LDHAL6A: variants seen among roughly 807,000 people sequenced by gnomAD.
LDHAL6A encodes lactate dehydrogenase A like 6A.
Under a neutral mutation model 28.2 loss-of-function variants are expected in LDHAL6A, and 19 were observed. The ratio of observed to expected loss-of-function variants is 0.67; its 90% CI spans 0.47 to 0.99. The LOEUF (loss-of-function observed/expected upper bound fraction) is 0.99. Among genes scored for constraint, LDHAL6A ranks in the 50% least tolerant of loss-of-function variants. The pLI is 0.00. For synonymous variants in LDHAL6A, 144 were observed against 134.4 expected, an observed-to-expected ratio of 1.07 and a Z score of -0.49; for missense variants, 372 against 398.6, an observed-to-expected ratio of 0.93 and a Z score of 0.57.
chr11:18,476,299 C>A (rs1849380042), intron 4 of LDHAL6A, 85 bp from the exon 5 acceptor site: 2 of 1,467,504 alleles, frequency 1.4e-6, no homozygotes, highest in East Asian at 4.8e-5. Context: ...TCACTCAGGG[C>A]AATTATAACA....
chr11:18,477,357 G>T (rs1275445510), intron 5 of LDHAL6A, among the ~76,000 whole-genome samples: 1 of 152,092 alleles, frequency 6.6e-6, no homozygotes, highest in Admixed American at 6.5e-5. Flanking sequence ...TACTCAGGAG[G>T]CTGAGGAGGG....
At chr11:18,475,330 A>G in intron 3 of LDHAL6A, 136 bp from the exon 4 acceptor site, 1 of 670,636 alleles carries the variant, frequency 1.5e-6, no homozygotes, top group Non-Finnish European at 2.6e-6. Context: ...GTTGGCGTAT[A>G]GCTGGGGTTG....
chr11:18,460,461 C>CA (rs1565065923), intron 1 of LDHAL6A, among the ~76,000 whole-genome samples: 2 of 151,642 alleles, frequency 1.3e-5, no homozygotes, highest in African/African-American at 4.9e-5. Flanking sequence ...GGCACGGTGG[C>CA]ATGCATCTGT....
At chr11:18,463,907 C>G in intron 1 of LDHAL6A, 54 bp from the exon 2 acceptor site, 1 of 1,118,300 alleles carries the variant, frequency 8.9e-7, no homozygotes, top group South Asian at 1.3e-5. Context: ...TTCTTTCATT[C>G]TCCAGTTAAT....
intron 3 of LDHAL6A, among the ~76,000 whole-genome samples, chr11:18,467,877 AC>A (rs1196533338): frequency 3.0e-5 from 1 of 33,514 alleles, no homozygotes; most frequent in Non-Finnish European, 4.9e-5. Flanking sequence ...ATATATATAC[AC>A]ACATATATAT....
chr11:18,464,966 G>GGGTTTTTT (rs1849010009), intron 2 of LDHAL6A, among the ~76,000 whole-genome samples: 1 of 43,438 alleles, frequency 2.3e-5, no homozygotes, highest in African/African-American at 1.0e-4. Context: ...AGGAGGTGAG[G>GGGTTTTTT]TGTTTTTTTT....
At chr11:18,477,078 A>G (rs915838766) in intron 5 of LDHAL6A, among the ~76,000 whole-genome samples, 6 of 151,646 alleles carry the variant, frequency 4.0e-5, no homozygotes, top group African/African-American at 1.5e-4. Context: ...AGCTGAGCAT[A>G]TGGTGGCTTG....
chr11:18,464,886 A>G (rs150614370), intron 2 of LDHAL6A, among the ~76,000 whole-genome samples: 3 of 152,068 alleles, frequency 2.0e-5, no homozygotes, highest in East Asian at 3.9e-4. Flanking sequence ...CACCACATCT[A>G]TCTCTAAATA....
Position 18,477,656 on chromosome 11 carries a change from T to G in LDHAL6A, c.747T>G (p.Ser249=). ...TGGTCAAAATGAAAGGTTATACTTC[T>G]TGGGGCATTAGCCTATCTGTAGCTG... ...YEMVKMKGYT[S]WGISLSVADL... The change falls in exon 6 of 7, where the codon TCT becomes TCG. Residue 249 remains serine, a synonymous_variant. Transcript: ENST00000280706. The G allele has an allele frequency of 6.2e-7, 1 of 1,613,000 alleles. No individual in the cohort carries two copies. The highest frequency in any genetic ancestry group is 8.5e-7 in the Non-Finnish European group (1 of 1,179,656).
chr11:18,478,580 C>A, intron 6 of LDHAL6A, 126 bp from the exon 7 acceptor site: 1 of 713,082 alleles, frequency 1.4e-6, no homozygotes, highest in Non-Finnish European at 2.3e-6. Context: ...GAAAAAAGTT[C>A]TCTGCCTTGG....
At chr11:18,473,936 CTGAA>C (rs1481280365) in intron 3 of LDHAL6A, among the ~76,000 whole-genome samples, 1 of 152,094 alleles carries the variant, frequency 6.6e-6, no homozygotes, top group Non-Finnish European at 1.5e-5. Flanking sequence ...TTTTTAATCC[CTGAA>C]TGAGTTTTCC....
At chr11:18,462,501 G>A (rs1180438024) in intron 1 of LDHAL6A, among the ~76,000 whole-genome samples, 4 of 151,978 alleles carry the variant, frequency 2.6e-5, no homozygotes, top group Non-Finnish European at 4.4e-5. Context: ...GCCAGGTGTG[G>A]TGGCGGGCGC....
At chr11:18,465,426 GTTTT>G (rs5790038) in intron 2 of LDHAL6A, among the ~76,000 whole-genome samples, 52,857 of 140,018 alleles carry the variant, frequency 0.38, 10,341 homozygotes, top group African/African-American at 0.52. Context: ...CATGACTTAC[GTTTT>G]TTTTTTTTTT....
At chr11:18,457,955 A>G (rs1483072594) in intron 1 of LDHAL6A, among the ~76,000 whole-genome samples, 2 of 152,210 alleles carry the variant, frequency 1.3e-5, no homozygotes, top group African/African-American at 2.4e-5. Flanking sequence ...GGAATAGACT[A>G]TCTCTAATTG....
At chr11:18,469,406 G>C (rs572297611) in intron 3 of LDHAL6A, among the ~76,000 whole-genome samples, 1 of 152,320 alleles carries the variant, frequency 6.6e-6, no homozygotes, top group South Asian at 2.1e-4. Flanking sequence ...TCCCACCACA[G>C]ATTTTAGAAG....
intron 3 of LDHAL6A, among the ~76,000 whole-genome samples, chr11:18,470,036 C>A (rs1437152827): frequency 6.6e-6 from 1 of 152,140 alleles, no homozygotes; most frequent in Non-Finnish European, 1.5e-5. Context: ...TCAAGCAATT[C>A]TCATGCCTCA....
At chr11:18,461,080 C>A (rs545627341) in intron 1 of LDHAL6A, among the ~76,000 whole-genome samples, 1 of 151,982 alleles carries the variant, frequency 6.6e-6, no homozygotes, top group Non-Finnish European at 1.5e-5. Flanking sequence ...CCAGGTGATC[C>A]GCCCGCCTTG....
chr11:18,478,639 C>T, intron 6 of LDHAL6A, 67 bp from the exon 7 acceptor site: 1 of 1,249,340 alleles, frequency 8.0e-7, no homozygotes, highest in South Asian at 1.2e-5. Flanking sequence ...ATTCACCTCC[C>T]AACTGTTGTT....
In LDHAL6A at chr11:18,478,843, G is replaced by A; in HGVS notation, c.972G>A (p.Trp324Ter). 2 of 1,612,682 alleles carry A rather than the reference G, an allele frequency of 1.2e-6. No individual in the cohort carries two copies. The highest frequency in any genetic ancestry group is 1.7e-6 in the Non-Finnish European group (2 of 1,179,764). ...TGCAAAAGAGTGCAGAAACACTTTG[G>A]GAAATTCAGAAGGAGCTCAAGCTTT... is the stretch of plus-strand genomic sequence containing the variant. ...ACLQKSAETL[W>*]EIQKELKL Residue 324 changes from tryptophan to a stop codon, truncating the protein, a stop_gained, in exon 7 of 7, where the codon TGG (tryptophan) becomes TGA (stop). Coordinates refer to ENST00000280706, the MANE Select transcript of LDHAL6A (RefSeq NM_144972.5). LOFTEE classifies it high-confidence loss of function.
Sources: gnomAD v4.1 joint callset for allele counts (sites outside exome capture counted in the v4.1 genomes callset) on GRCh38, gnomAD v4.1.1 for gene constraint, MANE v1.5 for transcripts, NCBI Gene and HGNC (gene_info 2026-07-23, HGNC 2026-07-21) for gene names.